The following ZFYVE16 variants were observed in gnomAD, a reference collection of about 807,000 sequenced individuals.
ZFYVE16 encodes the protein zinc finger FYVE domain-containing protein 16.
Under a neutral mutation model 138.1 loss-of-function variants are expected in ZFYVE16, and 89 were observed. The ratio of observed to expected loss-of-function variants is 0.64; its 90% CI spans 0.54 to 0.77. ZFYVE16 has a LOEUF of 0.77. Among genes scored for constraint, ZFYVE16 ranks in the 30% least tolerant of loss-of-function variants. The probability of loss-of-function intolerance (pLI) is 0.00; values close to 1 mark genes in which losing one functional copy is unlikely to be tolerated. For synonymous variants in ZFYVE16, 596 were observed against 618.3 expected, an observed-to-expected ratio of 0.96 and a Z score of 0.53; for missense variants, 1,793 against 1,786.7, an observed-to-expected ratio of 1.00 and a Z score of -0.06.
rs189399958 is a variant in ZFYVE16 at position 80,418,376 on chromosome 5, G to A, written c.-93-9116G>A. The stretch of plus-strand genomic sequence containing the variant: ...TGCCTAGGCTGGAGTGCAGTAGCAC[G>A]CTCATACCTCACTGTAACCTTCAAC... On this transcript the variant is annotated intron_variant, in intron 1 of 18. Transcript: ENST00000505560. 6.5e-3 allele frequency among the ~76,000 whole-genome samples: 910 copies of A among 139,798 alleles called. 8 individuals are homozygous for A. Among genetic ancestry groups the A allele is most frequent in the African/African-American group, 0.022 (839 of 37,894 alleles). 91.7% of individuals were successfully genotyped at this position (139,798 alleles called of 152,430 possible).
At chr5:80,469,946 TGTTTATTTAG>T (rs1038299690) in intron 15 of ZFYVE16, among the ~76,000 whole-genome samples, 1 of 151,880 alleles carries the variant, frequency 6.6e-6, no homozygotes, top group African/African-American at 2.4e-5. Context: ...ATTTATTATA[TGTTTATTTAG>T]CCCATATTTG....
rs1031285037 is a variant in ZFYVE16, at chr5:80,413,964, C to G, written c.-94+5811C>G. 5.9e-5 allele frequency among the ~76,000 whole-genome samples: 9 copies of G among 152,300 alleles called. No individual in the cohort carries two copies. The East Asian group carries it at 1.7e-3, about 29-fold the overall frequency. On this transcript the variant is annotated intron_variant, in intron 1 of 18. Coordinates refer to ENST00000505560, the MANE Select transcript of ZFYVE16 (RefSeq NM_001284236.3). ...CTGCATTTCACTTCCCCTCTCCCCT[C>G]TATATTCCCAAATTAGTTACATGTT... is the stretch of plus-strand genomic sequence containing the variant.
At chr5:80,475,002 A>G (rs1283164118) in intron 18 of ZFYVE16, among the ~76,000 whole-genome samples, 172 bp downstream of exon 18, 1 of 152,252 alleles carries the variant, frequency 6.6e-6, no homozygotes, top group Non-Finnish European at 1.5e-5. Context: ...GGGGTCAGCA[A>G]ACTGTTTTTG....
chr5:80,466,117 G>C (rs1753727201), intron 15 of ZFYVE16, among the ~76,000 whole-genome samples: 2 of 151,746 alleles, frequency 1.3e-5, no homozygotes, highest in African/African-American at 4.8e-5. Context: ...GTAGAGACAG[G>C]GTTTCACCAT....
At position 80,482,572 on chromosome 5, in the gene ZFYVE16, C is replaced by G. The variant is rs1333256001; in HGVS notation, c.*5195C>G. ...CATTTACATAGCATTCTATTTAAAG[C>G]CGGTCTGCTGGCACAGCAAATCCCA... On this transcript the variant is annotated 3_prime_UTR_variant, in exon 19 of 19. Coordinates refer to ENST00000505560, the MANE Select transcript of ZFYVE16 (RefSeq NM_001284236.3). 7 of 152,182 alleles carry G rather than the reference C, an allele frequency of 4.6e-5. No individual in the cohort carries two copies. The highest frequency in any genetic ancestry group is 4.6e-4 in the Admixed American group (7 of 15,284). The allele number at this position is 152,182 out of a possible 1,614,324, so 9.4% of individuals were successfully genotyped here. A position where few individuals can be genotyped will look rare whatever the true frequency, so the allele number is the denominator to read the frequency against.
At chr5:80,419,859 T>C (rs1031209276) in intron 1 of ZFYVE16, among the ~76,000 whole-genome samples, 2 of 152,032 alleles carry the variant, frequency 1.3e-5, no homozygotes, top group Admixed American at 6.6e-5. Flanking sequence ...TCACCCAGGC[T>C]GGAGTGCAGT....
chr5:80,458,064 G>A (rs903211368), intron 14 of ZFYVE16, among the ~76,000 whole-genome samples: 2 of 149,412 alleles, frequency 1.3e-5, no homozygotes, highest in Admixed American at 6.7e-5. Context: ...GGTGGTAAAA[G>A]GGAAAAGTGC....
rs1755153045 is a variant in ZFYVE16 at position 80,479,075 on chromosome 5, A to G, written c.*1698A>G. 1 of 152,174 alleles carries G rather than the reference A, an allele frequency of 6.6e-6. No homozygotes were observed. The highest frequency in any genetic ancestry group is 1.9e-4 in the East Asian group (1 of 5,206). 9.4% of individuals were successfully genotyped at this position (152,174 alleles called of 1,614,324 possible). A position where few individuals can be genotyped will look rare whatever the true frequency, so the allele number is the denominator to read the frequency against. On this transcript the variant is annotated 3_prime_UTR_variant, in exon 19 of 19. Transcript: ENST00000505560. ...ATGGGACAGCTTTGGATTTGTTTTC[A>G]TAAAATCTCTATATTCAATAAAAAT...
intron 5 of ZFYVE16, chr5:80,440,464 G>A: frequency 1.0e-6 from 1 of 985,546 alleles, no homozygotes; most frequent in South Asian, 4.7e-5. Context: ...TAAAATGAGA[G>A]TAGAAGATAA....
intron 12 of ZFYVE16, chr5:80,456,092 A>T (rs1276600546): frequency 3.2e-6 from 1 of 309,536 alleles, no homozygotes; most frequent in East Asian, 8.2e-5. Context: ...TTGTAAATGT[A>T]TTAGTAAAGT....
chr5:80,464,436 C>T (rs1189066475), intron 15 of ZFYVE16, among the ~76,000 whole-genome samples: 1 of 152,068 alleles, frequency 6.6e-6, no homozygotes, highest in Non-Finnish European at 1.5e-5. Context: ...GGGAAACTGC[C>T]CCCATGATTC....
intron 1 of ZFYVE16, among the ~76,000 whole-genome samples, chr5:80,413,814 A>G (rs980664117): frequency 1.3e-5 from 2 of 152,186 alleles, no homozygotes; most frequent in Non-Finnish European, 2.9e-5. Context: ...AAAATGACAT[A>G]TTTAGATATA....
chr5:80,429,424 C>G (rs1748642384), intron 2 of ZFYVE16, among the ~76,000 whole-genome samples: 1 of 152,190 alleles, frequency 6.6e-6, no homozygotes, highest in South Asian at 2.1e-4. Flanking sequence ...ACCACTAGGC[C>G]TGCTGTACAA....
intron 1 of ZFYVE16, among the ~76,000 whole-genome samples, chr5:80,413,836 C>T (rs944389917): frequency 3.3e-5 from 5 of 152,136 alleles, no homozygotes; most frequent in African/African-American, 1.2e-4. Flanking sequence ...GGCGATATCC[C>T]CTCCCCATTC....
chr5:80,441,675 A>C (rs1360370423), intron 5 of ZFYVE16: 9 of 872,268 alleles, frequency 1.0e-5, no homozygotes, highest in Non-Finnish European at 1.2e-5. Flanking sequence ...TGTGAGTTTC[A>C]AGGAAGCACA....
At chr5:80,432,633 A>G (rs1439515487) in intron 2 of ZFYVE16, among the ~76,000 whole-genome samples, 1 of 152,212 alleles carries the variant, frequency 6.6e-6, no homozygotes, top group Admixed American at 6.5e-5. Flanking sequence ...AGAAACTACC[A>G]TCAGAGTGAA....
chr5:80,438,938 AAACTGTAT>A lies in ZFYVE16; in HGVS notation c.2254_2261del (p.Asn752GlufsTer28). The A allele has an allele frequency of 6.2e-7, 1 of 1,614,114 alleles. No individual in the cohort carries two copies. Among genetic ancestry groups the A allele is most frequent in the Non-Finnish European group, 8.5e-7 (1 of 1,179,966 alleles). Reference sequence around the variant, plus strand: ...CTTGGGTTCCTGATTCAGAAGCTCCAAACTGTATGAACTGCCAAGTCAAATTTACTTTT... The same window carrying A: ...CTTGGGTTCCTGATTCAGAAGCTCCAGAACTGCCAAGTCAAATTTACTTTT... On this transcript the variant is annotated frameshift_variant, in exon 4 of 19. Coordinates refer to ENST00000505560, the MANE Select transcript of ZFYVE16 (RefSeq NM_001284236.3). LOFTEE classifies it high-confidence loss of function.
chr5:80,408,450 C>T (rs1383112535), intron 1 of ZFYVE16, among the ~76,000 whole-genome samples: 4 of 152,242 alleles, frequency 2.6e-5, no homozygotes, highest in African/African-American at 9.6e-5. Flanking sequence ...CCGGAGTGTT[C>T]GGCGCTCCTG....
Position 80,438,514 on chromosome 5 carries a change from CT to C in ZFYVE16, c.1832del (p.Leu611Ter). On this transcript the variant is annotated frameshift_variant, in exon 4 of 19. Transcript: ENST00000505560. LOFTEE classifies it high-confidence loss of function. ...DKQNTIENGL[S>X]LGEKSTIPVQ... ...CAAAATACAATAGAAAATGGCCTTT[CT>C]TTAGGAGAAAAAAGCACTATTCCAG... 6.2e-7 allele frequency: 1 copy of C among 1,613,570 alleles called. No individual in the cohort carries two copies. The highest frequency in any genetic ancestry group is 8.5e-7 in the Non-Finnish European group (1 of 1,179,810).
Sources: allele counts gnomAD v4.1 joint callset (sites outside exome capture counted in the v4.1 genomes callset), GRCh38; gene constraint gnomAD v4.1.1; transcripts MANE v1.5; gene names NCBI Gene and HGNC (gene_info 2026-07-23, HGNC 2026-07-21).